NIPAL2: variants seen among roughly 807,000 people sequenced by gnomAD.
NIPAL2 encodes NIPA-like protein 2.
In NIPAL2, 43 loss-of-function variants were observed where a neutral mutation model predicts 48.9. The ratio of observed to expected loss-of-function variants is 0.88; its 90% CI spans 0.69 to 1.13. The LOEUF (loss-of-function observed/expected upper bound fraction) is 1.13, where lower values mean the gene tolerates loss of function less well. Ranked by LOEUF, NIPAL2 falls within the 50% of genes most tolerant of loss-of-function variation. NIPAL2 has a pLI of 0.00. For missense variants in NIPAL2, 446 were observed against 461.4 expected, an observed-to-expected ratio of 0.97 and a Z score of 0.31; for synonymous variants, 167 against 174.6, an observed-to-expected ratio of 0.96 and a Z score of 0.34.
chr8:98,200,013 G>A (rs1363838880), intron 8 of NIPAL2, among the ~76,000 whole-genome samples: 1 of 151,166 alleles, frequency 6.6e-6, no homozygotes, highest in African/African-American at 2.5e-5. Flanking sequence ...GAGAGTAGTG[G>A]CGTGATTATA....
At chr8:98,218,576 G>A (rs1357636432) in intron 5 of NIPAL2, among the ~76,000 whole-genome samples, 2 of 152,164 alleles carry the variant, frequency 1.3e-5, no homozygotes, top group Non-Finnish European at 2.9e-5. Flanking sequence ...CTATGAAAAT[G>A]AATTTCAGGA....
At chr8:98,293,710 G>A (rs1042142450) in intron 1 of NIPAL2, among the ~76,000 whole-genome samples, 41 of 152,346 alleles carry the variant, frequency 2.7e-4, no homozygotes, top group Non-Finnish European at 4.0e-4. Flanking sequence ...TGGGGAGGCG[G>A]GATCGGGACC....
In NIPAL2 at chr8:98,294,095, C is replaced by T. The variant is rs11779956; in HGVS notation, c.43G>A (p.Ala15Thr). The T allele has an allele frequency of 1.3e-6, 2 of 1,489,848 alleles. No homozygotes were observed. Among genetic ancestry groups the T allele is most frequent in the Middle Eastern group, 2.1e-4 (1 of 4,820 alleles). The allele number at this position is 1,489,848 out of a possible 1,614,324, so 92.3% of individuals were successfully genotyped here. A position where few individuals can be genotyped will look rare whatever the true frequency, so the allele number is the denominator to read the frequency against. The change falls in exon 1 of 11, where the codon GCC becomes ACC. Residue 15 changes from alanine to threonine, a missense_variant. Physicochemically the swap from Ala to Thr is moderately conservative, Grantham distance 58. Transcript: ENST00000430223. The part of the protein sequence containing the change: ...APAGPGDSAS[A>T]ALDELSLNFT... ...TTCAGTGACAGCTCGTCCAGGGCGGCCGAGGCGGAGTCCCCGGGGCCCGCG... is the reference window on the plus strand; with the variant it reads ...TTCAGTGACAGCTCGTCCAGGGCGGTCGAGGCGGAGTCCCCGGGGCCCGCG...
rs1452494796 is a variant in NIPAL2, at chr8:98,261,703, T to C, written c.136-7616A>G. 8.9e-4 allele frequency among the ~76,000 whole-genome samples: 130 copies of C among 146,272 alleles called. 1 individual carries two copies. Among genetic ancestry groups the C allele is most frequent in the Non-Finnish European group, 1.6e-3 (104 of 66,526 alleles). On this transcript the variant is annotated intron_variant, in intron 1 of 10. Coordinates refer to ENST00000430223, the MANE Select transcript of NIPAL2 (RefSeq NM_001321635.2). ...AATGGAACCAAGTTGGAAAACACTC[T>C]GCAGGATATTATCCAGGAGAACTTC...
At chr8:98,280,585 C>T (rs1240008838) in intron 1 of NIPAL2, among the ~76,000 whole-genome samples, 1 of 151,576 alleles carries the variant, frequency 6.6e-6, no homozygotes, top group Non-Finnish European at 1.5e-5. Context: ...AGTTGTTTTG[C>T]ATTTGTACCC....
rs1369628150 is a variant in NIPAL2, at chr8:98,217,757, G to A, written c.558+4722C>T. On this transcript the variant is annotated intron_variant, in intron 5 of 10. Coordinates refer to ENST00000430223, the MANE Select transcript of NIPAL2 (RefSeq NM_001321635.2). ...TTATTCAAAAGTGACTTTATTAAAGGTTTATTTTATGCTATGTTATAAATA... is the reference window on the plus strand; with the variant it reads ...TTATTCAAAAGTGACTTTATTAAAGATTTATTTTATGCTATGTTATAAATA... 2.0e-5 allele frequency among the ~76,000 whole-genome samples: 3 copies of A among 151,750 alleles called. No individual in the cohort carries two copies. In the East Asian group the frequency reaches 5.8e-4, roughly 29 times the overall value.
intron 1 of NIPAL2, among the ~76,000 whole-genome samples, chr8:98,259,909 G>T (rs146341425): frequency 2.5e-4 from 38 of 152,300 alleles, no homozygotes; most frequent in African/African-American, 8.2e-4. Context: ...CCATATCAAT[G>T]AACCCCCAGC....
intron 5 of NIPAL2, chr8:98,217,267 A>C: frequency 1.0e-6 from 1 of 985,430 alleles, no homozygotes; most frequent in Non-Finnish European, 1.2e-6. Context: ...GTAAATCTTG[A>C]AGGAAAAACA....
At position 98,244,443 on chromosome 8, in the gene NIPAL2, G is replaced by A. The variant is rs1368953222; in HGVS notation, c.376+8020C>T. 6.8e-4 allele frequency among the ~76,000 whole-genome samples: 92 copies of A among 134,328 alleles called. 2 individuals carry two copies. Among genetic ancestry groups the A allele is most frequent in the African/African-American group, 2.2e-3 (78 of 35,242 alleles). 88.1% of individuals were successfully genotyped at this position (134,328 alleles called of 152,430 possible). The stretch of plus-strand genomic sequence containing the variant: ...TGATGAGGGGGTGGGCTGTGGTGAT[G>A]AGGGAGGTGGGCGTGGTGATGGGGG... On this transcript the variant is annotated intron_variant, in intron 3 of 10. Transcript: ENST00000430223.
chr8:98,284,881 C>G (rs1252362449), intron 1 of NIPAL2, among the ~76,000 whole-genome samples: 1 of 152,012 alleles, frequency 6.6e-6, no homozygotes, highest in East Asian at 1.9e-4. Flanking sequence ...GAGAAATTGC[C>G]AAGCAAGAAG....
chr8:98,243,861 TG>T (rs1813126213), intron 3 of NIPAL2, among the ~76,000 whole-genome samples: 1 of 152,216 alleles, frequency 6.6e-6, no homozygotes, highest in African/African-American at 2.4e-5. Flanking sequence ...AAGACATATG[TG>T]TGCTTTTTAT....
intron 3 of NIPAL2, among the ~76,000 whole-genome samples, chr8:98,246,996 A>G (rs1399548726): frequency 6.6e-6 from 1 of 152,218 alleles, no homozygotes; most frequent in Non-Finnish European, 1.5e-5. Flanking sequence ...TAGGCATAGC[A>G]TAGATCACAG....
At chr8:98,284,416 TCTCACACACA>T (rs1348324198) in intron 1 of NIPAL2, among the ~76,000 whole-genome samples, 1 of 101,780 alleles carries the variant, frequency 9.8e-6, no homozygotes, top group East Asian at 2.3e-4. Context: ...TCTCTCTCTC[TCTCACACACA>T]CACACACACA....
chr8:98,246,559 T>A (rs1005347690), intron 3 of NIPAL2, among the ~76,000 whole-genome samples: 6 of 152,176 alleles, frequency 3.9e-5, no homozygotes, highest in African/African-American at 1.4e-4. Flanking sequence ...CCAAAGTCAA[T>A]CTATTTATTA....
At chr8:98,247,135 A>C (rs868623472) in intron 3 of NIPAL2, among the ~76,000 whole-genome samples, 2 of 152,220 alleles carry the variant, frequency 1.3e-5, no homozygotes, top group Non-Finnish European at 2.9e-5. Context: ...ATGAATATTC[A>C]TGAGTCTCTT....
chr8:98,211,780 A>AAG (rs368116671), intron 6 of NIPAL2, among the ~76,000 whole-genome samples: 2 of 59,686 alleles, frequency 3.4e-5, no homozygotes, highest in Admixed American at 3.7e-4. Context: ...GGGTGGGGGA[A>AAG]AGAGAGAGAG....
At chr8:98,220,816 A>T (rs1586334878) in intron 5 of NIPAL2, among the ~76,000 whole-genome samples, 1 of 152,024 alleles carries the variant, frequency 6.6e-6, no homozygotes, top group Non-Finnish European at 1.5e-5. Context: ...CTAGAATATT[A>T]TTATTCCCCA....
At chr8:98,268,622 G>GA (rs56795032) in intron 1 of NIPAL2, among the ~76,000 whole-genome samples, 2,034 of 123,944 alleles carry the variant, frequency 0.016, 50 homozygotes, top group African/African-American at 0.057. Flanking sequence ...CTGTCTCAAA[G>GA]AAAAAAAAAA....
At chr8:98,205,951 G>A (rs1311710456) in intron 6 of NIPAL2, among the ~76,000 whole-genome samples, 4 of 152,136 alleles carry the variant, frequency 2.6e-5, no homozygotes, top group Non-Finnish European at 5.9e-5. Context: ...ATGCTAAAGT[G>A]GAACTCATCC....
Sources: allele counts gnomAD v4.1 joint callset (sites outside exome capture counted in the v4.1 genomes callset), GRCh38; gene constraint gnomAD v4.1.1; transcripts MANE v1.5; gene names NCBI Gene and HGNC (gene_info 2026-07-23, HGNC 2026-07-21).